The following BRDT variants were observed in gnomAD, a reference collection of about 807,000 sequenced individuals.
BRDT encodes the protein bromodomain testis associated.
BRDT carries 77 observed loss-of-function variants against 113.9 expected under a neutral mutation model. That is an observed-to-expected ratio of 0.68 (90% CI 0.56 to 0.82). The LOEUF is 0.82. Ranked by LOEUF, BRDT falls within the 40% of genes least tolerant of loss-of-function variation. BRDT has a pLI of 0.00. For synonymous variants in BRDT, 358 were observed against 366.5 expected (o/e 0.98, Z 0.26); for missense variants, 1,027 against 1,105.4 (o/e 0.93, Z 1.01).
At chr1:92,009,942 C>A (rs1053632459) in intron 18 of BRDT, among the ~76,000 whole-genome samples, 2 of 152,058 alleles carry the variant, frequency 1.3e-5, no homozygotes, top group Non-Finnish European at 2.9e-5. Flanking sequence ...TCTTTTAGCA[C>A]TTTAAAGGTA....
In BRDT at chr1:91,980,727, GAAAAGAA is replaced by G. The variant is rs777726791; in HGVS notation, c.1382_1388del (p.Lys461ArgfsTer16). On this transcript the variant is annotated frameshift_variant, in exon 9 of 19. Coordinates refer to ENST00000399546, the MANE Select transcript of BRDT (RefSeq NM_207189.4). LOFTEE classifies it high-confidence loss of function. ...TAAAAAGAAAGAGAAGTCTAAAAAG[GAAAAGAA>G]AAAAGAAAAGGTTAATAACAGCAAT... 5.6e-6 allele frequency: 9 copies of G among 1,606,944 alleles called. No homozygotes were observed. The highest frequency in any genetic ancestry group is 1.7e-4 in the Middle Eastern group (1 of 5,994).
chr1:91,991,991 CAAAAAAAAAAAAAAAA>C (rs764759925), intron 13 of BRDT, among the ~76,000 whole-genome samples: 5 of 67,740 alleles, frequency 7.4e-5, no homozygotes, highest in East Asian at 5.7e-4. Context: ...GACTCTGTCT[CAAAAAAAAAAAAAAAA>C]AAAAAAAAAA....
At position 91,979,688 on chromosome 1, in the gene BRDT, C is replaced by A. The variant is rs370994622; in HGVS notation, c.1218C>A (p.Ser406=). 11 of 1,613,894 alleles carry A rather than the reference C, an allele frequency of 6.8e-6. No homozygotes were observed. The African/African-American group carries it at 1.5e-4, about 22-fold the overall frequency. Residue 406 remains serine, a synonymous_variant, in exon 8 of 19, where the codon TCC becomes TCA. Coordinates refer to ENST00000399546, the MANE Select transcript of BRDT (RefSeq NM_207189.4). ...GTAGAGAGAACACTAATGAAGCCTC[C>A]TCTGAAGGGAACTCTTCTGATGATT... is the stretch of plus-strand genomic sequence containing the variant. ...TTGRENTNEA[S]SEGNSSDDSE... is the part of the protein sequence containing the mutation.
intron 4 of BRDT, 144 bp downstream of exon 4, chr1:91,968,404 A>G (rs1683283844): frequency 1.6e-6 from 2 of 1,242,748 alleles, no homozygotes; most frequent in Non-Finnish European, 2.2e-6. Context: ...ATTTGAAACA[A>G]TCTGCCAAAC....
intron 15 of BRDT, among the ~76,000 whole-genome samples, chr1:91,997,914 A>G (rs893083882): frequency 1.3e-5 from 2 of 152,220 alleles, no homozygotes; most frequent in African/African-American, 2.4e-5. Context: ...TTTTTTGTTA[A>G]ACCTTACAAT....
At chr1:91,981,535 T>G in intron 11 of BRDT, 83 bp from the exon 12 acceptor site, 1 of 1,578,204 alleles carries the variant, frequency 6.3e-7, no homozygotes, top group Non-Finnish European at 8.6e-7. Context: ...TGCGCGACCA[T>G]GCCCAGCCTA....
chr1:92,005,378 A>G, intron 18 of BRDT, 79 bp downstream of exon 18: 1 of 1,305,606 alleles, frequency 7.7e-7, no homozygotes, highest in Non-Finnish European at 1.0e-6. Flanking sequence ...ATGTTCAAGG[A>G]TGCATTTGGG....
chr1:92,002,062 G>A lies in BRDT; in HGVS notation c.2301G>A (p.Gln767=). Residue 767 remains glutamine (Q), a synonymous_variant, in exon 16 of 19, where the codon CAG becomes CAA. Transcript: ENST00000399546. ...QILPPSGDSE[Q]LSNGITVMHP... is the part of the protein sequence containing the mutation. Reference sequence around the variant, plus strand: ...GTGTGCATCCAGGTGATTCTGAACAGCTCTCAAATGGCATAACTGTGATGC... The same window carrying A: ...GTGTGCATCCAGGTGATTCTGAACAACTCTCAAATGGCATAACTGTGATGC... The A allele has an allele frequency of 1.2e-6, 2 of 1,612,276 alleles. No homozygotes were observed. The highest frequency in any genetic ancestry group is 2.2e-5 in the South Asian group (2 of 90,908).
intron 17 of BRDT, among the ~76,000 whole-genome samples, 164 bp downstream of exon 17, chr1:92,004,783 A>G (rs1235990345): frequency 6.6e-6 from 1 of 152,214 alleles, no homozygotes. Context: ...AAGTGATGAT[A>G]TCTCTTTTGA....
intron 1 of BRDT, among the ~76,000 whole-genome samples, chr1:91,959,415 CTTTCTTT>C: frequency 1.9e-5 from 1 of 53,838 alleles, no homozygotes; most frequent in African/African-American, 6.1e-5. Context: ...TTCTCTTTTT[CTTTCTTT>C]TTTTTTTTTT....
Position 91,977,126 on chromosome 1 carries a change from A to AG in BRDT, c.702_703insG (p.Phe235ValfsTer28). Reference sequence around the variant, plus strand: ...AAGCAAGTAGTGAATTTTCTCCAACATTCACAGAAAAATCAGTGGCACTGC... The same window carrying AG: ...AAGCAAGTAGTGAATTTTCTCCAACAGTTCACAGAAAAATCAGTGGCACTGC... On this transcript the variant is annotated frameshift_variant, in exon 6 of 19. Transcript: ENST00000399546. LOFTEE classifies it high-confidence loss of function. 6.2e-7 allele frequency: 1 copy of AG among 1,613,872 alleles called. No homozygotes were observed. The highest frequency in any genetic ancestry group is 8.5e-7 in the Non-Finnish European group (1 of 1,179,960).
chr1:91,979,116 C>CT (rs77923577), intron 7 of BRDT, among the ~76,000 whole-genome samples: 14,516 of 138,326 alleles, frequency 0.1, 1,060 homozygotes, highest in East Asian at 0.39. Context: ...AAGCATGAGT[C>CT]TTTTTTTTTT....
intron 3 of BRDT, among the ~76,000 whole-genome samples, chr1:91,967,170 G>C (rs1683146883): frequency 6.6e-6 from 1 of 152,068 alleles, no homozygotes; most frequent in Non-Finnish European, 1.5e-5. Context: ...ATTACTTCCA[G>C]TCAAACCATG....
chr1:91,951,722 T>TCACACCACTGCACTCCAGCCTGAGCC (rs1557790626), intron 1 of BRDT, among the ~76,000 whole-genome samples: 2 of 151,756 alleles, frequency 1.3e-5, no homozygotes, highest in South Asian at 4.2e-4. Context: ...TGCAGTGAGC[T>TCACACCACTGCACTCCAGCCTGAGCC]GAGATCACAC....
In BRDT at chr1:92,014,243, T is replaced by C; in HGVS notation, c.2813T>C (p.Ile938Thr). 1 of 1,592,662 alleles carries C rather than the reference T, an allele frequency of 6.3e-7. No homozygotes were observed. Among genetic ancestry groups the C allele is most frequent in the Non-Finnish European group, 8.5e-7 (1 of 1,173,942 alleles). The change falls in exon 19 of 19, where the codon ATT (isoleucine) becomes ACT (threonine). Residue 938 changes from isoleucine (I) to threonine (T), a missense_variant. Transcript: ENST00000399546. ...ATTGATATGACCCTTCAAAGTGACA[T>C]TATGACAATGTTTGAAAACAACTTT... Reference protein sequence around the residue: ...GTIDMTLQSDIMTMFENNFD With the variant: ...GTIDMTLQSDTMTMFENNFD
intron 12 of BRDT, among the ~76,000 whole-genome samples, chr1:91,985,461 C>T (rs61779157): frequency 0.1 from 15,836 of 151,952 alleles, 1,247 homozygotes; most frequent in East Asian, 0.4. Flanking sequence ...TCCCAAAGTG[C>T]TGGGATTACA....
At chr1:91,969,917 CT>C (rs1250413059) in intron 4 of BRDT, among the ~76,000 whole-genome samples, 2 of 146,344 alleles carry the variant, frequency 1.4e-5, no homozygotes, top group Non-Finnish European at 3.0e-5. Context: ...CAACCTCTGC[CT>C]TCCAGGTTCA....
At chr1:91,977,545 T>G in intron 6 of BRDT, 152 bp downstream of exon 6, 1 of 655,380 alleles carries the variant, frequency 1.5e-6, no homozygotes, top group Non-Finnish European at 2.4e-6. Flanking sequence ...AATTTTAAAA[T>G]ATATCTTTTT....
intron 12 of BRDT, among the ~76,000 whole-genome samples, chr1:91,989,078 G>C (rs954025701): frequency 6.6e-6 from 1 of 151,504 alleles, no homozygotes; most frequent in Non-Finnish European, 1.5e-5. Flanking sequence ...GATTACAGGC[G>C]TAAGCCACTG....
Sources: allele counts gnomAD v4.1 joint callset (sites outside exome capture counted in the v4.1 genomes callset), GRCh38; gene constraint gnomAD v4.1.1; transcripts MANE v1.5; gene names NCBI Gene and HGNC (gene_info 2026-07-23, HGNC 2026-07-21).